The following LRRC42 variants were observed in gnomAD, a reference collection of about 807,000 sequenced individuals.
LRRC42 encodes the protein leucine-rich repeat-containing protein 42.
LRRC42 carries 43 observed loss-of-function variants against 44.3 expected under a neutral mutation model. The ratio of observed to expected loss-of-function variants is 0.97; its 90% CI spans 0.76 to 1.25. LRRC42 has a LOEUF of 1.25. Ranked by LOEUF, LRRC42 falls within the 50% of genes most tolerant of loss-of-function variation. The pLI is 0.00. For missense variants in LRRC42, 540 were observed against 509.1 expected, an observed-to-expected ratio of 1.06 and a Z score of -0.58; for synonymous variants, 207 against 195.2, an observed-to-expected ratio of 1.06 and a Z score of -0.50.
At chr1:53,957,504 G>A (rs995824185) in intron 3 of LRRC42, among the ~76,000 whole-genome samples, 7 of 152,222 alleles carry the variant, frequency 4.6e-5, no homozygotes, top group Non-Finnish European at 8.8e-5. Context: ...AACTTGGCAA[G>A]GTGCTGCAAT....
Position 53,952,198 on chromosome 1 carries a change from G to T in LRRC42, c.199G>T (p.Glu67Ter), listed in dbSNP as rs1389988531. ...MNREDDTARK[E>*]KTDHFIFTYT... ...CAGGGAAGACGACACTGCACGGAAA[G>T]AGAAGACTGATCATTTCATCTTCAC... The change falls in exon 3 of 9, where the codon GAG becomes TAG. Residue 67 changes from glutamate to a stop codon, truncating the protein, a stop_gained. Transcript: ENST00000371370. LOFTEE classifies it high-confidence loss of function. 1 of 1,614,244 alleles carries T rather than the reference G, an allele frequency of 6.2e-7. No homozygotes were observed.
intron 6 of LRRC42, 36 bp from the exon 7 acceptor site, chr1:53,962,260 T>C: frequency 6.5e-7 from 1 of 1,531,758 alleles, no homozygotes; most frequent in Middle Eastern, 1.7e-4. Context: ...ATTAACCAAA[T>C]GTATTTGCAT....
intron 8 of LRRC42, among the ~76,000 whole-genome samples, chr1:53,967,115 C>G (rs1193532688): frequency 1.3e-5 from 2 of 151,946 alleles, no homozygotes; most frequent in Non-Finnish European, 2.9e-5. Flanking sequence ...TATATTTTAT[C>G]ATGATTTTAA....
Position 53,952,354 on chromosome 1 carries a change from T to A in LRRC42, c.355T>A (p.Phe119Ile). ...GFPEQIAEKL[F>I]SAAEARQKFT... ...TCCTGAGCAGATTGCTGAAAAGCTG[T>A]TCTCTGCTGCTGAAGCCAGACAGAA... Residue 119 changes from phenylalanine to isoleucine, a missense_variant, in exon 3 of 9, where the codon TTC becomes ATC. Transcript: ENST00000371370. 1 of 1,614,180 alleles carries A rather than the reference T, an allele frequency of 6.2e-7. No individual in the cohort carries two copies. Among genetic ancestry groups the A allele is most frequent in the Non-Finnish European group, 8.5e-7 (1 of 1,179,982 alleles).
Position 53,952,262 on chromosome 1 carries a change from C to G in LRRC42, c.263C>G (p.Ser88Cys), listed in dbSNP as rs377331394. The change falls in exon 3 of 9, where the codon TCC becomes TGC. Residue 88 changes from serine to cysteine, a missense_variant. By Grantham distance (112) the Ser-to-Cys change is moderately radical. Coordinates refer to ENST00000371370, the MANE Select transcript of LRRC42 (RefSeq NM_001256409.2). ...REGNLRYSAK[S>C]LFSLVLGFIS... ...GGGAATCTTCGGTACTCCGCCAAAT[C>G]CCTCTTCAGCCTTGTCCTGGGTTTC... 5.0e-6 allele frequency: 8 copies of G among 1,614,254 alleles called. No individual in the cohort carries two copies. Among genetic ancestry groups the G allele is most frequent in the Non-Finnish European group, 6.8e-6 (8 of 1,180,046 alleles).
At chr1:53,959,333 C>A (rs952908129) in intron 4 of LRRC42, among the ~76,000 whole-genome samples, 1 of 152,202 alleles carries the variant, frequency 6.6e-6, no homozygotes, top group African/African-American at 2.4e-5. Context: ...TCATACCATT[C>A]ACAAATAGTC....
chr1:53,958,326 T>C (rs529437422), intron 4 of LRRC42, 46 bp downstream of exon 4: 1 of 1,603,262 alleles, frequency 6.2e-7, no homozygotes, highest in South Asian at 1.1e-5. Context: ...CAGTATTGTT[T>C]TAAAGGCTGA....
chr1:53,954,697 G>T (rs1352646099), intron 3 of LRRC42, among the ~76,000 whole-genome samples: 5 of 152,152 alleles, frequency 3.3e-5, no homozygotes, highest in Non-Finnish European at 7.3e-5. Context: ...TTGCCATGCT[G>T]TTGAAAACGC....
At chr1:53,953,271 T>C (rs1654743081) in intron 3 of LRRC42, among the ~76,000 whole-genome samples, 1 of 152,262 alleles carries the variant, frequency 6.6e-6, no homozygotes, top group Non-Finnish European at 1.5e-5. Flanking sequence ...CCGTCTTTGT[T>C]ATACAGATGG....
chr1:53,965,627 C>T (rs190971031), intron 7 of LRRC42, among the ~76,000 whole-genome samples: 2 of 151,688 alleles, frequency 1.3e-5, no homozygotes, highest in African/African-American at 2.4e-5. Context: ...CTACAGGCGC[C>T]TGCCCAGCTA....
chr1:53,960,119 C>CTT (rs1654954562), intron 4 of LRRC42, among the ~76,000 whole-genome samples: 1 of 152,182 alleles, frequency 6.6e-6, no homozygotes, highest in South Asian at 2.1e-4. Context: ...GATGGGGTCT[C>CTT]TAACTCCTGG....
chr1:53,955,628 CTTT>C (rs1291926537), intron 3 of LRRC42, among the ~76,000 whole-genome samples: 3 of 133,384 alleles, frequency 2.2e-5, no homozygotes. Context: ...TTAACATAAT[CTTT>C]TTTTTTTTTT....
At chr1:53,966,464 A>G in intron 8 of LRRC42, 84 bp downstream of exon 8, 1 of 885,210 alleles carries the variant, frequency 1.1e-6, no homozygotes, top group Non-Finnish European at 1.9e-6. Flanking sequence ...CCTTGGAAAA[A>G]TTAATTATGA....
Position 53,952,138 on chromosome 1 carries a change from T to C in LRRC42, c.139T>C (p.Phe47Leu). The change falls in exon 3 of 9, where the codon TTC (phenylalanine) becomes CTC (leucine). Residue 47 changes from phenylalanine to leucine, a missense_variant. Transcript: ENST00000371370. ...GCAGAAGCCAAGGCCTTTCAGACTG[T>C]TCCCCAAAGGCTTTTCTGTGGAGCT... ...SLQKPRPFRLFPKGFSVELCM... is the reference protein window; with the variant it reads ...SLQKPRPFRLLPKGFSVELCM... 1 of 1,614,200 alleles carries C rather than the reference T, an allele frequency of 6.2e-7. No homozygotes were observed. The highest frequency in any genetic ancestry group is 8.5e-7 in the Non-Finnish European group (1 of 1,180,032).
chr1:53,951,931 C>T, intron 2 of LRRC42, 55 bp from the exon 3 acceptor site: 2 of 1,347,080 alleles, frequency 1.5e-6, no homozygotes, highest in South Asian at 1.4e-5. Context: ...GATGAAGTTA[C>T]ATGTTACAAA....
chr1:53,965,025 A>C (rs1289565210), intron 7 of LRRC42, among the ~76,000 whole-genome samples: 2 of 117,520 alleles, frequency 1.7e-5, no homozygotes, highest in Admixed American at 1.9e-4. Context: ...TTTTTTTTGG[A>C]GACAGAGTCT....
chr1:53,955,931 A>G lies in LRRC42; in HGVS notation c.474-2218A>G, dbSNP rs1051780766. Among the ~76,000 whole-genome samples, 11 of 152,172 alleles carry G rather than the reference A, an allele frequency of 7.2e-5. No homozygotes were observed. The South Asian group carries it at 8.3e-4, about 11-fold the overall frequency. ...GCGTGAGCCACCGCGCCCGGCCAAC[A>G]TAATCTTTTAGCCCATATTTTATTG... On this transcript the variant is annotated intron_variant, in intron 3 of 8. Coordinates refer to ENST00000371370, the MANE Select transcript of LRRC42 (RefSeq NM_001256409.2).
In LRRC42 at chr1:53,967,722, T is replaced by A. The variant is rs143699160; in HGVS notation, c.1070T>A (p.Met357Lys). The A allele has an allele frequency of 1.9e-6, 3 of 1,613,980 alleles. No homozygotes were observed. The African/African-American group carries it at 4.0e-5, about 22-fold the overall frequency. The change falls in exon 9 of 9, where the codon ATG (methionine) becomes AAG (lysine). Residue 357 changes from methionine (M) to lysine (K), a missense_variant. Met to Lys is a moderately conservative substitution (Grantham distance 95). Coordinates refer to ENST00000371370, the MANE Select transcript of LRRC42 (RefSeq NM_001256409.2). ...PLKCPLADTH[M>K]NSSEKLQFYK... ...AAGTGTCCCCTGGCAGACACCCACA[T>A]GAACTCTTCCGAGAAACTCCAGTTC...
Position 53,967,856 on chromosome 1 carries a change from G to C in LRRC42, c.1204G>C (p.Glu402Gln), listed in dbSNP as rs764231485. 1 of 1,614,230 alleles carries C rather than the reference G, an allele frequency of 6.2e-7. No homozygotes were observed. Among genetic ancestry groups the C allele is most frequent in the Non-Finnish European group, 8.5e-7 (1 of 1,180,030 alleles). The change falls in exon 9 of 9, where the codon GAA becomes CAA. Residue 402 changes from glutamate (E) to glutamine (Q), a missense_variant. Coordinates refer to ENST00000371370, the MANE Select transcript of LRRC42 (RefSeq NM_001256409.2). ...GAGACCTTTTGAGGAGTCAGAGACA[G>C]AACAGAATAACTCTTCACAACCTTC... ...KKRPFEESET[E>Q]QNNSSQPSKQ...
Sources: gnomAD v4.1 joint callset for allele counts (sites outside exome capture counted in the v4.1 genomes callset) on GRCh38, gnomAD v4.1.1 for gene constraint, MANE v1.5 for transcripts, NCBI Gene and HGNC (gene_info 2026-07-23, HGNC 2026-07-21) for gene names.